The following FOCAD variants were observed in gnomAD, a reference collection of about 807,000 sequenced individuals.
The protein encoded by FOCAD is KIAA1797.
In FOCAD, 198 loss-of-function variants were observed where a neutral mutation model predicts 225.6. That is an observed-to-expected ratio of 0.88 (90% CI 0.78 to 0.99). FOCAD has a LOEUF of 0.99. Ranked by LOEUF, FOCAD falls within the 50% of genes least tolerant of loss-of-function variation. The pLI is 0.00. For synonymous variants in FOCAD, 897 were observed against 755.0 expected (o/e 1.19, Z -3.08); for missense variants, 2,713 against 2,123.6 (o/e 1.28, Z -5.46).
intron 11 of FOCAD, among the ~76,000 whole-genome samples, chr9:20,814,204 A>C (rs2131370202): frequency 6.6e-6 from 1 of 152,224 alleles, no homozygotes; most frequent in East Asian, 1.9e-4. Context: ...TAGTGGTAGG[A>C]AAGGACTTAC....
In FOCAD at chr9:20,906,925, A is replaced by G. The variant is rs148428481; in HGVS notation, c.2626-225A>G. ...TTATTGTAGGATTTTATTTGCTTCAATTTACAAAATTCTAGGCTTACTTTA... is the reference window on the plus strand; with the variant it reads ...TTATTGTAGGATTTTATTTGCTTCAGTTTACAAAATTCTAGGCTTACTTTA... On this transcript the variant is annotated intron_variant, in intron 21 of 43. Transcript: ENST00000338382. Among the ~76,000 whole-genome samples the G allele has an allele frequency of 2.8e-3, 421 of 152,110 alleles. 4 individuals carry two copies. The highest frequency in any genetic ancestry group is 9.5e-3 in the African/African-American group (395 of 41,532).
At chr9:20,939,047 G>C (rs1836341014) in intron 28 of FOCAD, among the ~76,000 whole-genome samples, 1 of 149,800 alleles carries the variant, frequency 6.7e-6, no homozygotes, top group Non-Finnish European at 1.5e-5. Flanking sequence ...CTACTCAGGA[G>C]GCTGAGGCAG....
chr9:20,866,086 G>A, intron 17 of FOCAD, 110 bp downstream of exon 17: 1 of 904,282 alleles, frequency 1.1e-6, no homozygotes, highest in Non-Finnish European at 1.7e-6. Context: ...GAAATAATGG[G>A]TTCCCAATTT....
chr9:20,869,277 C>T (rs977313436), intron 18 of FOCAD, among the ~76,000 whole-genome samples: 1 of 152,100 alleles, frequency 6.6e-6, no homozygotes, highest in Non-Finnish European at 1.5e-5. Context: ...CATATTCTCT[C>T]TTCTTACCTA....
chr9:20,993,293 A>T lies in FOCAD; in HGVS notation c.5297A>T (p.Glu1766Val). The change falls in exon 43 of 44, where the codon GAA (glutamate) becomes GTA (valine). Residue 1766 changes from glutamate to valine, a missense_variant. Coordinates refer to ENST00000338382, the MANE Select transcript of FOCAD (RefSeq NM_001375567.1). The stretch of plus-strand genomic sequence containing the variant: ...TTCAGCATCATGGAAAGCCCTAAAG[A>T]AGCCCTCTCAGCACAGTCCAGGGAT... Reference protein sequence around the residue: ...WLFSIMESPKEALSAQSRDLL... With the variant: ...WLFSIMESPKVALSAQSRDLL... The T allele has an allele frequency of 6.2e-7, 1 of 1,614,030 alleles. No homozygotes were observed. The highest frequency in any genetic ancestry group is 8.5e-7 in the Non-Finnish European group (1 of 1,179,956).
intron 15 of FOCAD, among the ~76,000 whole-genome samples, chr9:20,830,977 C>T (rs1430010439): frequency 1.3e-5 from 2 of 152,042 alleles, no homozygotes. Context: ...TCATGCCTGG[C>T]CTATGACTAC....
chr9:20,712,806 T>G (rs1824971580), intron 1 of FOCAD, among the ~76,000 whole-genome samples: 1 of 145,114 alleles, frequency 6.9e-6, no homozygotes, highest in Non-Finnish European at 1.5e-5. Context: ...AACCTCGGCT[T>G]ATTGCAACCT....
At chr9:20,870,732 A>C (rs1427174720) in intron 18 of FOCAD, among the ~76,000 whole-genome samples, 1 of 152,172 alleles carries the variant, frequency 6.6e-6, no homozygotes, top group African/African-American at 2.4e-5. Flanking sequence ...TCTGTAGGCT[A>C]ATGTAAGTGT....
chr9:20,874,764 C>G lies in FOCAD; in HGVS notation c.2274C>G (p.Cys758Trp), dbSNP rs769289428. 5.0e-6 allele frequency: 8 copies of G among 1,613,686 alleles called. No individual in the cohort carries two copies. Among genetic ancestry groups the G allele is most frequent in the Non-Finnish European group, 6.8e-6 (8 of 1,179,720 alleles). Reference sequence around the variant, plus strand: ...TGGATCTTTCAGTTCCTGGCTCTTGCTATCTCAAACTGTTGTCACTCACTC... The same window carrying G: ...TGGATCTTTCAGTTCCTGGCTCTTGGTATCTCAAACTGTTGTCACTCACTC... ...EDVDLSVPGS[C>W]YLKLLSLTPP... is the part of the protein sequence containing the mutation. The change falls in exon 19 of 44, where the codon TGC (cysteine) becomes TGG (tryptophan). Residue 758 changes from cysteine to tryptophan, a missense_variant. Physicochemically the swap from Cys to Trp is radical, Grantham distance 215. Transcript: ENST00000338382.
At chr9:20,918,304 A>G (rs1454252657) in intron 24 of FOCAD, among the ~76,000 whole-genome samples, 1 of 152,224 alleles carries the variant, frequency 6.6e-6, no homozygotes, top group East Asian at 1.9e-4. Context: ...TCCATTCTAA[A>G]ATTTTACTCC....
chr9:20,825,548 A>G (rs890976862), intron 15 of FOCAD, among the ~76,000 whole-genome samples: 10 of 152,166 alleles, frequency 6.6e-5, no homozygotes, highest in African/African-American at 2.4e-5. Context: ...GTAAAATAAA[A>G]CAAATTAATA....
intron 2 of FOCAD, among the ~76,000 whole-genome samples, chr9:20,672,511 C>T (rs562804481): frequency 5.3e-4 from 81 of 152,250 alleles, no homozygotes; most frequent in African/African-American, 1.8e-3. Context: ...AGTGCAGTGG[C>T]GCAATCTAGG....
chr9:20,871,666 C>G (rs575614391), intron 18 of FOCAD, among the ~76,000 whole-genome samples: 2 of 143,620 alleles, frequency 1.4e-5, no homozygotes, highest in Non-Finnish European at 3.0e-5. Flanking sequence ...AAAAAAAAAA[C>G]CAAACACCGC....
chr9:20,774,129 C>T (rs1015906664), intron 8 of FOCAD, among the ~76,000 whole-genome samples: 8 of 152,184 alleles, frequency 5.3e-5, no homozygotes, highest in Non-Finnish European at 1.0e-4. Flanking sequence ...ACAGTTTCAT[C>T]CCGAAACCAT....
intron 15 of FOCAD, among the ~76,000 whole-genome samples, chr9:20,852,413 A>C (rs1217447114): frequency 6.9e-6 from 1 of 143,970 alleles, no homozygotes; most frequent in African/African-American, 2.6e-5. Context: ...GATTTTCCCT[A>C]TTGTTTATCC....
At chr9:20,878,173 A>G (rs1181721021) in intron 19 of FOCAD, among the ~76,000 whole-genome samples, 2 of 152,212 alleles carry the variant, frequency 1.3e-5, no homozygotes, top group African/African-American at 4.8e-5. Flanking sequence ...AAGTCTTTAT[A>G]CAATTTGTAC....
At chr9:20,951,461 G>A (rs1318774700) in intron 34 of FOCAD, among the ~76,000 whole-genome samples, 1 of 152,098 alleles carries the variant, frequency 6.6e-6, no homozygotes, top group African/African-American at 2.4e-5. Flanking sequence ...TTAATTTGGT[G>A]ACAAATCTAG....
intron 28 of FOCAD, among the ~76,000 whole-genome samples, chr9:20,934,203 C>T (rs1835741099): frequency 6.6e-6 from 1 of 152,148 alleles, no homozygotes; most frequent in Non-Finnish European, 1.5e-5. Context: ...TGCAAAAGCT[C>T]TTTCGTTTAA....
At chr9:20,686,313 C>T (rs779181167) in intron 1 of FOCAD, among the ~76,000 whole-genome samples, 1 of 152,148 alleles carries the variant, frequency 6.6e-6, no homozygotes, top group Non-Finnish European at 1.5e-5. Flanking sequence ...CATGCCACCA[C>T]ACCCAGCTAA....
Sources: allele counts gnomAD v4.1 joint callset (sites outside exome capture counted in the v4.1 genomes callset), GRCh38; gene constraint gnomAD v4.1.1; transcripts MANE v1.5; gene names NCBI Gene and HGNC (gene_info 2026-07-23, HGNC 2026-07-21).